The following ABCC12 variants were observed in gnomAD, a reference collection of about 807,000 sequenced individuals.
The protein encoded by ABCC12 is ATP binding cassette subfamily C member 12.
ABCC12 carries 142 observed loss-of-function variants against 151.1 expected under a neutral mutation model. The observed-to-expected ratio is 0.94, with a 90% CI of 0.82 to 1.08. ABCC12 has a LOEUF of 1.08. ABCC12 is among the 50% of genes least tolerant of loss of function. The pLI is 0.00. For synonymous variants in ABCC12, 645 were observed against 646.4 expected, an observed-to-expected ratio of 1.00 and a Z score of 0.03; for missense variants, 1,638 against 1,691.1, an observed-to-expected ratio of 0.97 and a Z score of 0.55.
chr16:48,091,267 GC>G (rs1416244973), intron 24 of ABCC12, 58 bp from the exon 25 acceptor site: 10 of 1,499,016 alleles, frequency 6.7e-6, no homozygotes, highest in African/African-American at 1.4e-5. Context: ...GGGTTCTGCA[GC>G]TCCCCGTTCA....
chr16:48,104,733 T>C (rs1963427037), intron 21 of ABCC12, among the ~76,000 whole-genome samples: 1 of 152,188 alleles, frequency 6.6e-6, no homozygotes. Flanking sequence ...CTCCAAAGTG[T>C]GGGCCCCACC....
At chr16:48,130,504 T>C (rs570513654) in intron 10 of ABCC12, among the ~76,000 whole-genome samples, 2 of 152,358 alleles carry the variant, frequency 1.3e-5, no homozygotes, top group East Asian at 3.9e-4. Context: ...ACCTCACTTG[T>C]GGAACACTTA....
intron 28 of ABCC12, 154 bp downstream of exon 28, chr16:48,086,587 T>A (rs1158012437): frequency 1.5e-6 from 1 of 656,216 alleles, no homozygotes; most frequent in East Asian, 2.5e-5. Context: ...TAGGAAAGAA[T>A]AACTAAGGAT....
At position 48,091,103 on chromosome 16, in the gene ABCC12, A is replaced by G. The variant is rs1962866546; in HGVS notation, c.3285+17T>C. ...AAAATTAACTTGTCCCTCCTCTCTG[A>G]TGCACTAATTTCTTACCGAAATGTA... On this transcript the variant is annotated intron_variant, in intron 25 of 30. Transcript: ENST00000311303. 21 of 1,612,958 alleles carry G rather than the reference A, an allele frequency of 1.3e-5. No homozygotes were observed. The highest frequency in any genetic ancestry group is 1.8e-5 in the Non-Finnish European group (21 of 1,178,918).
At chr16:48,115,682 G>A (rs1000997820) in intron 14 of ABCC12, 64 bp from the exon 15 acceptor site, 7 of 1,477,454 alleles carry the variant, frequency 4.7e-6, no homozygotes, top group African/African-American at 1.4e-5. Flanking sequence ...GGCAATGGAA[G>A]CTTCCTGGAG....
chr16:48,088,960 A>T (rs1962757176), intron 25 of ABCC12, among the ~76,000 whole-genome samples: 1 of 152,226 alleles, frequency 6.6e-6, no homozygotes, highest in Admixed American at 6.5e-5. Context: ...TTGCAATAGG[A>T]TACAGAATGT....
At chr16:48,140,440 T>G (rs1964764288) in intron 6 of ABCC12, among the ~76,000 whole-genome samples, 1 of 152,202 alleles carries the variant, frequency 6.6e-6, no homozygotes, top group Non-Finnish European at 1.5e-5. Context: ...TAAGTCTCCC[T>G]GAGCCCTGTT....
Position 48,144,012 on chromosome 16 carries a change from G to A in ABCC12, c.173C>T (p.Ser58Phe), listed in dbSNP as rs1045577300. Residue 58 changes from serine to phenylalanine, a missense_variant, in exon 4 of 31, where the codon TCC (serine) becomes TTC (phenylalanine). Ser to Phe is a radical substitution (Grantham distance 155). Coordinates refer to ENST00000311303, the MANE Select transcript of ABCC12 (RefSeq NM_001393797.1). ...TTTCACCATCACCGGCGTGAGCCAG[G>A]AAAATGTGGCGAAGGAGAGTAGCCC... ...DAGLLSFATF[S>F]WLTPVMVKGY... The A allele has an allele frequency of 3.7e-6, 6 of 1,614,086 alleles. No homozygotes were observed. In the African/African-American group the frequency reaches 4.0e-5, roughly 11 times the overall value.
At chr16:48,093,255 CT>C in intron 24 of ABCC12, among the ~76,000 whole-genome samples, 1 of 152,300 alleles carries the variant, frequency 6.6e-6, no homozygotes, top group South Asian at 2.1e-4. Flanking sequence ...TACCCCGCCC[CT>C]GGCTTACAAA....
chr16:48,129,263 C>T (rs1226206497), intron 10 of ABCC12, among the ~76,000 whole-genome samples: 2 of 152,156 alleles, frequency 1.3e-5, no homozygotes, highest in African/African-American at 2.4e-5. Flanking sequence ...AGAACATGCA[C>T]GGATCGTTTC....
intron 25 of ABCC12, among the ~76,000 whole-genome samples, chr16:48,090,401 CTTT>C (rs1011013161): frequency 1.7e-5 from 2 of 118,928 alleles, no homozygotes; most frequent in Non-Finnish European, 1.8e-5. Flanking sequence ...CAAATTTGAA[CTTT>C]TTTTTTTTTT....
In ABCC12 at chr16:48,088,080, A is replaced by G. The variant is rs1962702946; in HGVS notation, c.3481T>C (p.Ser1161Pro). 1.9e-6 allele frequency: 3 copies of G among 1,613,464 alleles called. No individual in the cohort carries two copies. Among genetic ancestry groups the G allele is most frequent in the Non-Finnish European group, 2.5e-6 (3 of 1,179,630 alleles). The part of the protein sequence containing the change: ...GIVGRTGSGK[S>P]SLGMALFRLV... Reference sequence around the variant, plus strand: ...CGAAACAAAGCCATTCCTAACGATGACTTTCCTGGGAACCATAAAAGTAAG... The same window carrying G: ...CGAAACAAAGCCATTCCTAACGATGGCTTTCCTGGGAACCATAAAAGTAAG... Residue 1161 changes from serine to proline, a missense_variant, in exon 27 of 31, where the codon TCA becomes CCA. By Grantham distance (74) the Ser-to-Pro change is moderately conservative (BLOSUM62 -1). Transcript: ENST00000311303.
intron 14 of ABCC12, among the ~76,000 whole-genome samples, chr16:48,116,611 C>T (rs753219496): frequency 6.6e-6 from 1 of 152,080 alleles, no homozygotes; most frequent in Non-Finnish European, 1.5e-5. Flanking sequence ...AGATGCAGGC[C>T]AGGAAGGCTT....
chr16:48,107,525 G>C, intron 19 of ABCC12, 100 bp from the exon 20 acceptor site: 2 of 1,025,678 alleles, frequency 1.9e-6, no homozygotes, highest in Non-Finnish European at 1.5e-6. Context: ...TTCAAAACCT[G>C]CAGGAAAAGG....
chr16:48,115,696 CT>C, intron 14 of ABCC12, 78 bp from the exon 15 acceptor site: 1 of 1,407,606 alleles, frequency 7.1e-7, no homozygotes, highest in Non-Finnish European at 9.6e-7. Flanking sequence ...CCTGGAGCTT[CT>C]CAGGACTCAG....
intron 9 of ABCC12, among the ~76,000 whole-genome samples, chr16:48,133,064 T>C (rs1337743163): frequency 1.3e-5 from 2 of 151,978 alleles, no homozygotes; most frequent in Non-Finnish European, 2.9e-5. Flanking sequence ...CTTCTTGTAG[T>C]GTAAGTAGAT....
rs572374237 is a variant in ABCC12, at chr16:48,121,664, G to A, written c.1712+52C>T. On this transcript the variant is annotated intron_variant, in intron 13 of 30. Transcript: ENST00000311303. ...TTACCAACAGCATCAGCATCTGTAG[G>A]AGAGTGTGTACCAAACACAAATGTG... The A allele has an allele frequency of 3.1e-6, 5 of 1,608,142 alleles. No homozygotes were observed. In the African/African-American group the frequency reaches 6.7e-5, roughly 21 times the overall value.
intron 23 of ABCC12, among the ~76,000 whole-genome samples, chr16:48,100,249 C>T (rs999421584): frequency 5.3e-5 from 8 of 152,160 alleles, no homozygotes; most frequent in Non-Finnish European, 1.0e-4. Context: ...CGTGAGCCAC[C>T]GCGCCCAGTC....
chr16:48,089,250 C>T (rs147678213), intron 25 of ABCC12, among the ~76,000 whole-genome samples: 65 of 152,296 alleles, frequency 4.3e-4, no homozygotes, highest in South Asian at 2.5e-3. Context: ...GAAGCTCATA[C>T]TGGGCCTGTG....
Sources: allele counts gnomAD v4.1 joint callset (sites outside exome capture counted in the v4.1 genomes callset), GRCh38; gene constraint gnomAD v4.1.1; transcripts MANE v1.5; gene names NCBI Gene and HGNC (gene_info 2026-07-23, HGNC 2026-07-21).